The following NF1 variants were observed in gnomAD, a reference collection of about 807,000 sequenced individuals.
The protein encoded by NF1 is neurofibromin.
In NF1, 122 loss-of-function variants were observed where a neutral mutation model predicts 325.7. The observed-to-expected ratio is 0.37, with a 90% CI of 0.32 to 0.44. NF1 has a LOEUF of 0.44. NF1 is among the 20% of genes least tolerant of loss of function. NF1 has a pLI of 1.00. For missense variants in NF1, 2,140 were observed against 3,415.4 expected (o/e 0.63, Z 9.31); for synonymous variants, 1,091 against 1,186.0 (o/e 0.92, Z 1.65).
intron 31 of NF1, among the ~76,000 whole-genome samples, chr17:31,254,828 C>T (rs1445481287): frequency 6.6e-6 from 1 of 151,998 alleles, no homozygotes; most frequent in Non-Finnish European, 1.5e-5. Flanking sequence ...ATACGAGCTC[C>T]TCATGGAAAC....
chr17:31,367,375 G>C, intron 57 of NF1: 1 of 772,458 alleles, frequency 1.3e-6, no homozygotes, highest in Non-Finnish European at 1.9e-6. Flanking sequence ...GTCCCTGTAA[G>C]CTCAGTCTGC....
intron 37 of NF1, among the ~76,000 whole-genome samples, chr17:31,326,539 T>C (rs1056348162): frequency 6.6e-6 from 1 of 151,910 alleles, no homozygotes; most frequent in Non-Finnish European, 1.5e-5. Context: ...TCTCAGCTAC[T>C]TGGAGGCTGA....
At chr17:31,359,297 G>A (rs1188305413) in intron 56 of NF1, 1 of 426,146 alleles carries the variant, frequency 2.3e-6, no homozygotes, top group African/African-American at 2.0e-5. Context: ...ACAGTCCCTT[G>A]TGTATTTGAT....
At chr17:31,171,712 T>A (rs2065930924) in intron 5 of NF1, among the ~76,000 whole-genome samples, 1 of 152,210 alleles carries the variant, frequency 6.6e-6, no homozygotes, top group South Asian at 2.1e-4. Flanking sequence ...CAGCAAAATA[T>A]GGCTCTTGGT....
At chr17:31,319,003 T>C in intron 36 of NF1, 1 of 1,601,468 alleles carries the variant, frequency 6.2e-7, no homozygotes, top group Non-Finnish European at 8.5e-7. Context: ...GTGTTCCATG[T>C]CCGTGGGCAT....
intron 36 of NF1, chr17:31,307,778 T>C: frequency 1.5e-6 from 1 of 663,840 alleles, no homozygotes; most frequent in Non-Finnish European, 2.3e-6. Flanking sequence ...CTTAGGGTGT[T>C]AGATATTGGT....
Position 31,181,759 on chromosome 17 carries a change from A to G in NF1, c.704A>G (p.Tyr235Cys), listed in dbSNP as rs1597658649. The stretch of plus-strand genomic sequence containing the variant: ...TATCCAGATGAATTTACAAAACTGT[A>G]CCAGATCCCACAGACTGATATGGCT... Reference protein sequence around the residue: ...ENYPDEFTKLYQIPQTDMAEC... With the variant: ...ENYPDEFTKLCQIPQTDMAEC... Residue 235 changes from tyrosine to cysteine, a missense_variant, in exon 7 of 58, where the codon TAC (tyrosine) becomes TGC (cysteine). Transcript: ENST00000358273. The G allele has an allele frequency of 6.2e-7, 1 of 1,608,738 alleles. No homozygotes were observed. Among genetic ancestry groups the G allele is most frequent in the Non-Finnish European group, 8.5e-7 (1 of 1,175,616 alleles).
chr17:31,147,443 T>C (rs919976961), intron 1 of NF1, among the ~76,000 whole-genome samples: 2 of 152,262 alleles, frequency 1.3e-5, no homozygotes, highest in African/African-American at 4.8e-5. Flanking sequence ...TAAAAACCAT[T>C]TCTGCTATTA....
chr17:31,097,707 T>G (rs899728773), intron 1 of NF1, among the ~76,000 whole-genome samples: 1 of 152,170 alleles, frequency 6.6e-6, no homozygotes, highest in Non-Finnish European at 1.5e-5. Flanking sequence ...TCCTCACTTT[T>G]TTTTTTTGAG....
At position 31,225,155 on chromosome 17, in the gene NF1, T is replaced by C. The variant is rs2066991161; in HGVS notation, c.1906T>C (p.Ser636Pro). Reference protein sequence around the residue: ...LFYGVGCDIPSSGNTSQMSMD... With the variant: ...LFYGVGCDIPPSGNTSQMSMD... ...TTACGGGGTAGGATGTGATATTCCT[T>C]CTAGTGGAAATACCAGTCAAATGTC... The change falls in exon 17 of 58, where the codon TCT becomes CCT. Residue 636 changes from serine to proline, a missense_variant. Physicochemically the swap from Ser to Pro is moderately conservative, Grantham distance 74. Coordinates refer to ENST00000358273, the MANE Select transcript of NF1 (RefSeq NM_001042492.3). 1 of 1,613,762 alleles carries C rather than the reference T, an allele frequency of 6.2e-7. No individual in the cohort carries two copies. Among genetic ancestry groups the C allele is most frequent in the South Asian group, 1.1e-5 (1 of 91,070 alleles).
intron 1 of NF1, among the ~76,000 whole-genome samples, chr17:31,154,584 G>A (rs765787913): frequency 6.6e-6 from 1 of 151,932 alleles, no homozygotes; most frequent in Non-Finnish European, 1.5e-5. Context: ...ATCTGTGCTC[G>A]TAAACAAAAG....
At chr17:31,112,042 A>T (rs1413296410) in intron 1 of NF1, among the ~76,000 whole-genome samples, 7 of 152,178 alleles carry the variant, frequency 4.6e-5, no homozygotes, top group Non-Finnish European at 1.0e-4. Flanking sequence ...CCATCACCAC[A>T]ATCAAGATGA....
At chr17:31,129,454 ATTTTTTTT>A (rs59199139) in intron 1 of NF1, among the ~76,000 whole-genome samples, 1 of 126,438 alleles carries the variant, frequency 7.9e-6, no homozygotes, top group Non-Finnish European at 1.7e-5. Flanking sequence ...GCATTATGAA[ATTTTTTTT>A]TTTTTTTTTT....
intron 6 of NF1, 101 bp downstream of exon 6, chr17:31,181,590 A>G (rs2066134692): frequency 1.5e-6 from 2 of 1,330,622 alleles, no homozygotes; most frequent in Non-Finnish European, 2.2e-6. Flanking sequence ...TGATAGTTTC[A>G]CATTCATTTT....
At chr17:31,331,480 G>C (rs2069485131) in intron 39 of NF1, 1 of 152,062 alleles carries the variant, frequency 6.6e-6, no homozygotes. Context: ...AGAAAATATT[G>C]AAAGGAAAGA....
chr17:31,183,940 T>C (rs1294686178), intron 8 of NF1, among the ~76,000 whole-genome samples: 5 of 152,210 alleles, frequency 3.3e-5, no homozygotes, highest in Admixed American at 3.3e-4. Flanking sequence ...TGGGACCTTG[T>C]GATCGTGCTA....
intron 57 of NF1, among the ~76,000 whole-genome samples, chr17:31,371,744 C>A (rs2070643992): frequency 6.6e-6 from 1 of 152,198 alleles, no homozygotes; most frequent in Non-Finnish European, 1.5e-5. Context: ...TGCTCACCTC[C>A]TGGAGAAATG....
At chr17:31,302,768 G>A (rs11652743) in intron 36 of NF1, among the ~76,000 whole-genome samples, 1 of 152,028 alleles carries the variant, frequency 6.6e-6, no homozygotes, top group South Asian at 2.1e-4. Context: ...CCCCTTTAAC[G>A]TGGGAGGCGG....
At chr17:31,308,840 G>C (rs904121741) in intron 36 of NF1, among the ~76,000 whole-genome samples, 1 of 152,108 alleles carries the variant, frequency 6.6e-6, no homozygotes, top group Non-Finnish European at 1.5e-5. Context: ...CATAATTCAT[G>C]TATGTATCTC....
Sources: allele counts gnomAD v4.1 joint callset (sites outside exome capture counted in the v4.1 genomes callset), GRCh38; gene constraint gnomAD v4.1.1; transcripts MANE v1.5; gene names NCBI Gene and HGNC (gene_info 2026-07-23, HGNC 2026-07-21).